TRDMT1: variants seen among roughly 807,000 people sequenced by gnomAD.
TRDMT1 encodes tRNA aspartic acid methyltransferase 1, also known as tRNA (cytosine(38)-C(5))-methyltransferase.
In TRDMT1, 49 loss-of-function variants were observed where a neutral mutation model predicts 51.2. The ratio of observed to expected loss-of-function variants is 0.96; its 90% CI spans 0.76 to 1.21. The LOEUF (loss-of-function observed/expected upper bound fraction) is 1.21. Among genes scored for constraint, TRDMT1 ranks in the 50% most tolerant of loss-of-function variants. The pLI is 0.00. For missense variants in TRDMT1, 534 were observed against 462.3 expected (o/e 1.16, Z -1.42); for synonymous variants, 187 against 164.6 (o/e 1.14, Z -1.04).
In TRDMT1 at chr10:17,143,216, G is replaced by C. The variant is rs1837826479; in HGVS notation, c.*5824C>G. The C allele has an allele frequency of 1.0e-6, 1 of 985,286 alleles. No homozygotes were observed. Among genetic ancestry groups the C allele is most frequent in the African/African-American group, 1.7e-5 (1 of 57,224 alleles). The allele number at this position is 985,286 out of a possible 1,614,324, so 61.0% of individuals were successfully genotyped here. On this transcript the variant is annotated 3_prime_UTR_variant, in exon 11 of 11. Transcript: ENST00000377799. ...GTAGCTTCAATATTGATTCCAGTAT[G>C]GTTCCTACATTCACTCATTCAACAA...
Position 17,138,926 on chromosome 10 carries a change from T to G in TRDMT1, c.*10114A>C, listed in dbSNP as rs1414090272. On this transcript the variant is annotated 3_prime_UTR_variant, in exon 11 of 11. Coordinates refer to ENST00000377799, the MANE Select transcript of TRDMT1 (RefSeq NM_004412.7). ...GTGTGCACACACAGCTTCCTAATTG[T>G]AACTCAAGCAAATGTTACAGAAAAC... 6.6e-6 allele frequency among the ~76,000 whole-genome samples: 1 copy of G among 152,142 alleles called. No individual in the cohort carries two copies. Among genetic ancestry groups the G allele is most frequent in the Non-Finnish European group, 1.5e-5 (1 of 68,022 alleles).
chr10:17,151,203 T>C (rs1439964708), intron 10 of TRDMT1: 2 of 864,586 alleles, frequency 2.3e-6, no homozygotes, highest in African/African-American at 1.8e-5. Flanking sequence ...TCTACCAATC[T>C]AACAATTTGT....
At position 17,148,171 on chromosome 10, in the gene TRDMT1, TC is replaced by T. The variant is rs551712222; in HGVS notation, c.*868del. 195 of 985,396 alleles carry T rather than the reference TC, an allele frequency of 2.0e-4. No homozygotes were observed. The African/African-American group carries it at 2.8e-3, about 14-fold the overall frequency. The allele number at this position is 985,396 out of a possible 1,614,324, so 61.0% of individuals were successfully genotyped here. A position where few individuals can be genotyped will look rare whatever the true frequency, so the allele number is the denominator to read the frequency against. The stretch of plus-strand genomic sequence containing the variant: ...AGAGAAAGTTAAAAGTCATAAAAGT[TC>T]ATTGAGAGTGTATGTTGCTACAATA... On this transcript the variant is annotated 3_prime_UTR_variant, in exon 11 of 11. Transcript: ENST00000377799.
At chr10:17,153,235 A>G (rs780315551) in intron 10 of TRDMT1, 36 of 471,654 alleles carry the variant, frequency 7.6e-5, no homozygotes, top group Non-Finnish European at 1.2e-4. Context: ...ATCTGTGGAA[A>G]GAGGCAAGGA....
rs1453499680 is a variant in TRDMT1, at chr10:17,147,327, C to T, written c.*1713G>A. On this transcript the variant is annotated 3_prime_UTR_variant, in exon 11 of 11. Coordinates refer to ENST00000377799, the MANE Select transcript of TRDMT1 (RefSeq NM_004412.7). ...TGTATATGGGCTGGCTTACAGCTTC[C>T]CTACATTCATATTTATCTATGAGTT... The T allele has an allele frequency of 3.0e-6, 3 of 985,214 alleles. No homozygotes were observed. The highest frequency in any genetic ancestry group is 3.6e-6 in the Non-Finnish European group (3 of 829,872). The allele number at this position is 985,214 out of a possible 1,614,324, so 61.0% of individuals were successfully genotyped here.
Position 17,153,650 on chromosome 10 carries a change from C to T in TRDMT1, c.946-14G>A. On this transcript the variant is annotated splice_polypyrimidine_tract_variant and intron_variant, in intron 9 of 10. Transcript: ENST00000377799. Reference sequence around the variant, plus strand: ...GATATTCTCAACCTGTAAGAAAATACCCAAGATAACTAAAAAAGTAATGTG... The same window carrying T: ...GATATTCTCAACCTGTAAGAAAATATCCAAGATAACTAAAAAAGTAATGTG... 1 of 1,550,696 alleles carries T rather than the reference C, an allele frequency of 6.4e-7. No individual in the cohort carries two copies. Among genetic ancestry groups the T allele is most frequent in the Non-Finnish European group, 8.7e-7 (1 of 1,151,072 alleles).
chr10:17,188,718 C>A (rs992216129), intron 1 of TRDMT1, among the ~76,000 whole-genome samples: 2 of 152,160 alleles, frequency 1.3e-5, no homozygotes, highest in African/African-American at 4.8e-5. Flanking sequence ...CAAGGACACA[C>A]CAACTTTCCT....
At chr10:17,176,556 G>A (rs901711195) in intron 1 of TRDMT1, among the ~76,000 whole-genome samples, 3 of 152,182 alleles carry the variant, frequency 2.0e-5, no homozygotes, top group East Asian at 1.9e-4. Context: ...CTGTTTGCAT[G>A]GATTGATGCA....
At chr10:17,163,964 T>G (rs951431162) in intron 3 of TRDMT1, among the ~76,000 whole-genome samples, 16 of 152,166 alleles carry the variant, frequency 1.1e-4, no homozygotes, top group African/African-American at 3.9e-4. Flanking sequence ...TACCATTCCT[T>G]CTGAAACTAT....
intron 5 of TRDMT1, among the ~76,000 whole-genome samples, chr10:17,161,023 T>G (rs1224244323): frequency 6.6e-6 from 1 of 152,178 alleles, no homozygotes; most frequent in African/African-American, 2.4e-5. Context: ...ATGGGAGCAC[T>G]GTTACAGACA....
At chr10:17,152,227 A>C in intron 10 of TRDMT1, 1 of 545,356 alleles carries the variant, frequency 1.8e-6, no homozygotes, top group Non-Finnish European at 2.7e-6. Flanking sequence ...ACTACAAGGA[A>C]AGTTTGTGTT....
chr10:17,171,114 T>G (rs1437115045), intron 2 of TRDMT1, among the ~76,000 whole-genome samples: 1 of 149,716 alleles, frequency 6.7e-6, no homozygotes, highest in Non-Finnish European at 1.5e-5. Flanking sequence ...GATTTAGATG[T>G]GTGTGTGTGT....
intron 1 of TRDMT1, among the ~76,000 whole-genome samples, chr10:17,194,586 T>C (rs1845124370): frequency 6.6e-6 from 1 of 151,754 alleles, no homozygotes; most frequent in Admixed American, 6.6e-5. Flanking sequence ...GAAATGCAAA[T>C]CAAAACCACA....
At chr10:17,187,770 G>C (rs887624535) in intron 1 of TRDMT1, among the ~76,000 whole-genome samples, 1 of 152,152 alleles carries the variant, frequency 6.6e-6, no homozygotes, top group Non-Finnish European at 1.5e-5. Context: ...CATCTTTCCT[G>C]ACCTTTTTCT....
At chr10:17,165,725 C>T (rs1406728475) in intron 3 of TRDMT1, among the ~76,000 whole-genome samples, 2 of 152,206 alleles carry the variant, frequency 1.3e-5, no homozygotes, top group African/African-American at 4.8e-5. Context: ...TGAACAGACA[C>T]TTCTCAAAAG....
chr10:17,142,431 T>C lies in TRDMT1; in HGVS notation c.*6609A>G, dbSNP rs762263008. 2 of 152,218 alleles carry C rather than the reference T, an allele frequency of 1.3e-5. No homozygotes were observed. The highest frequency in any genetic ancestry group is 4.8e-5 in the African/African-American group (2 of 41,442). 9.4% of individuals were successfully genotyped at this position (152,218 alleles called of 1,614,324 possible). A position where few individuals can be genotyped will look rare whatever the true frequency, so the allele number is the denominator to read the frequency against. On this transcript the variant is annotated 3_prime_UTR_variant, in exon 11 of 11. Transcript: ENST00000377799. ...GGGGTTCCCGAATGGTCCTTCATGATGCTACTTTAGGGAAAGAAGGATTTT... is the reference window on the plus strand; with the variant it reads ...GGGGTTCCCGAATGGTCCTTCATGACGCTACTTTAGGGAAAGAAGGATTTT...
In TRDMT1 at chr10:17,157,553, C is replaced by G. The variant is rs780347665; in HGVS notation, c.775G>C (p.Asp259His). 6.2e-7 allele frequency: 1 copy of G among 1,614,048 alleles called. No individual in the cohort carries two copies. The highest frequency in any genetic ancestry group is 1.1e-5 in the South Asian group (1 of 91,086). Residue 259 changes from aspartate (D) to histidine (H), a missense_variant, in exon 8 of 11, where the codon GAT becomes CAT. Transcript: ENST00000377799. ...SVKMLKDFLE[D>H]DTDVNQYLLP... ...AGATACTGGTTCACGTCAGTGTCATCTTCAAGAAAATCTTTTAGCATTTTC... is the reference window on the plus strand; with the variant it reads ...AGATACTGGTTCACGTCAGTGTCATGTTCAAGAAAATCTTTTAGCATTTTC...
At chr10:17,178,253 T>C (rs770746450) in intron 1 of TRDMT1, among the ~76,000 whole-genome samples, 3 of 152,208 alleles carry the variant, frequency 2.0e-5, no homozygotes, top group African/African-American at 4.8e-5. Flanking sequence ...TGTCCTTTCA[T>C]TCAAAGTGCT....
At chr10:17,171,435 T>A in intron 2 of TRDMT1, 1 of 152,348 alleles carries the variant, frequency 6.6e-6, no homozygotes, top group African/African-American at 2.4e-5. Context: ...TATACACTGA[T>A]CCATGGGTAA....
Sources: gnomAD v4.1 joint callset for allele counts (sites outside exome capture counted in the v4.1 genomes callset) on GRCh38, gnomAD v4.1.1 for gene constraint, MANE v1.5 for transcripts, NCBI Gene and HGNC (gene_info 2026-07-23, HGNC 2026-07-21) for gene names.